Variants in USP34 observed in about 807,000 individuals in gnomAD.
USP34 encodes the protein ubiquitin specific peptidase 34, also known as ubiquitin carboxyl-terminal hydrolase 34.
A neutral mutation model predicts 460.3 loss-of-function variants in USP34; 70 were observed. That is an observed-to-expected ratio of 0.15 (90% CI 0.13 to 0.19). USP34 has a LOEUF of 0.19. Ranked by LOEUF, USP34 falls within the 10% of genes least tolerant of loss-of-function variation. The pLI is 1.00. For synonymous variants in USP34, 1,647 were observed against 1,405.3 expected, an observed-to-expected ratio of 1.17 and a Z score of -3.85; for missense variants, 3,985 against 4,236.2, an observed-to-expected ratio of 0.94 and a Z score of 1.65.
At chr2:61,415,302 G>A (rs918576851) in intron 2 of USP34, among the ~76,000 whole-genome samples, 9 of 152,024 alleles carry the variant, frequency 5.9e-5, no homozygotes, top group African/African-American at 9.7e-5. Flanking sequence ...CATAGTTTAT[G>A]AGCGTTTGAG....
At chr2:61,295,935 C>G (rs17008097) in intron 30 of USP34, among the ~76,000 whole-genome samples, 23,256 of 152,186 alleles carry the variant, frequency 0.15, 2,214 homozygotes, top group South Asian at 0.36. Flanking sequence ...GAGATGTCCT[C>G]AAATAAACTA....
chr2:61,401,053 A>T (rs1693702190), intron 3 of USP34, among the ~76,000 whole-genome samples: 1 of 150,034 alleles, frequency 6.7e-6, no homozygotes, highest in South Asian at 2.1e-4. Context: ...TGGGAGGCTA[A>T]GGCAGGAGAA....
rs764214429 is a variant in USP34 at position 61,370,432 on chromosome 2, A to G, written c.1159-19T>C. 100 of 1,613,296 alleles carry G rather than the reference A, an allele frequency of 6.2e-5. No individual in the cohort carries two copies. Among genetic ancestry groups the G allele is most frequent in the Admixed American group, 1.2e-4 (7 of 59,902 alleles). On this transcript the variant is annotated intron_variant, in intron 9 of 79. Coordinates refer to ENST00000398571, the MANE Select transcript of USP34 (RefSeq NM_014709.4). ...TGATAATCTGGAAAAGAAAAACTTA[A>G]TATCAATTTTTAAAAATATTCTTCT... is the stretch of plus-strand genomic sequence containing the variant.
intron 2 of USP34, among the ~76,000 whole-genome samples, chr2:61,417,744 CTTTTT>C (rs55680146): frequency 1.1e-5 from 1 of 87,940 alleles, no homozygotes; most frequent in Admixed American, 1.3e-4. Context: ...TTTTTCTTTT[CTTTTT>C]TTTTTTTTTT....
intron 57 of USP34, 85 bp from the exon 58 acceptor site, chr2:61,232,617 A>G (rs1687939463): frequency 9.0e-7 from 1 of 1,109,454 alleles, no homozygotes; most frequent in Admixed American, 2.4e-5. Flanking sequence ...TTTTATTTCT[A>G]GTCAATGTTT....
At chr2:61,248,706 A>C in intron 48 of USP34, 23 bp from the exon 49 acceptor site, 1 of 1,526,966 alleles carries the variant, frequency 6.5e-7, no homozygotes, top group Non-Finnish European at 8.8e-7. Flanking sequence ...AAAAAAATTA[A>C]TAAAGATTAT....
At chr2:61,235,291 C>A (rs1482666955) in intron 57 of USP34, among the ~76,000 whole-genome samples, 1 of 150,536 alleles carries the variant, frequency 6.6e-6, no homozygotes, top group African/African-American at 2.4e-5. Context: ...ACATAGTTTT[C>A]CTTCTGGTAG....
At chr2:61,426,773 T>C (rs1038383722) in intron 1 of USP34, among the ~76,000 whole-genome samples, 1 of 152,168 alleles carries the variant, frequency 6.6e-6, no homozygotes, top group African/African-American at 2.4e-5. Flanking sequence ...ATAGTCCTAA[T>C]TTCAAGACTG....
At chr2:61,394,533 C>CAAA (rs200686763) in intron 5 of USP34, among the ~76,000 whole-genome samples, 75 of 109,964 alleles carry the variant, frequency 6.8e-4, no homozygotes, top group Non-Finnish European at 8.6e-4. Flanking sequence ...CCCTCTCTCT[C>CAAA]AAAAAAAAAA....
chr2:61,356,343 G>C (rs1168741038), intron 10 of USP34, among the ~76,000 whole-genome samples: 2 of 152,066 alleles, frequency 1.3e-5, no homozygotes, highest in Non-Finnish European at 2.9e-5. Flanking sequence ...ACAAAACTTA[G>C]TCAGGCACGG....
At chr2:61,420,863 G>C in intron 1 of USP34, 30 bp from the exon 2 acceptor site, 1 of 1,541,782 alleles carries the variant, frequency 6.5e-7, no homozygotes, top group South Asian at 1.2e-5. Flanking sequence ...TTAAAATTAT[G>C]AATAATGCTA....
chr2:61,327,393 T>A, intron 20 of USP34, among the ~76,000 whole-genome samples: 1 of 152,190 alleles, frequency 6.6e-6, no homozygotes, highest in East Asian at 1.9e-4. Flanking sequence ...GCAACCCAGA[T>A]AAAATTCAAG....
At chr2:61,216,135 C>G (rs1447788320) in intron 67 of USP34, among the ~76,000 whole-genome samples, 3 of 152,122 alleles carry the variant, frequency 2.0e-5, no homozygotes, top group African/African-American at 7.2e-5. Flanking sequence ...AAACTTTGTG[C>G]ACAATACTCC....
At chr2:61,314,376 A>G (rs371497487) in intron 25 of USP34, among the ~76,000 whole-genome samples, 34 of 152,230 alleles carry the variant, frequency 2.2e-4, no homozygotes, top group African/African-American at 6.7e-4. Context: ...AAGGTGTGCA[A>G]TATTTATCAG....
chr2:61,254,735 T>C (rs1329287026), intron 48 of USP34, among the ~76,000 whole-genome samples: 1 of 152,232 alleles, frequency 6.6e-6, no homozygotes, highest in African/African-American at 2.4e-5. Flanking sequence ...GTGGGCGGAT[T>C]GTTTGAGCCC....
At chr2:61,323,514 CAAAA>C (rs10713213) in intron 21 of USP34, among the ~76,000 whole-genome samples, 3 of 101,328 alleles carry the variant, frequency 3.0e-5, no homozygotes. Context: ...GACTCCGCCT[CAAAA>C]AAAAAAAAAA....
intron 27 of USP34, among the ~76,000 whole-genome samples, chr2:61,311,106 AT>A (rs1271667133): frequency 6.6e-6 from 1 of 152,092 alleles, no homozygotes; most frequent in East Asian, 1.9e-4. Context: ...TATGGTTTGA[AT>A]TTTTTTGTTC....
intron 2 of USP34, among the ~76,000 whole-genome samples, chr2:61,412,727 A>G (rs1364825129): frequency 6.6e-6 from 1 of 151,908 alleles, no homozygotes; most frequent in Admixed American, 6.6e-5. Flanking sequence ...CCTTTCTACA[A>G]TAAAAAAATA....
chr2:61,460,518 A>G (rs571138613), intron 1 of USP34, among the ~76,000 whole-genome samples: 1 of 152,316 alleles, frequency 6.6e-6, no homozygotes, highest in Admixed American at 6.5e-5. Flanking sequence ...TTTGAAGTGA[A>G]AAGGTGAAAG....
Sources: allele counts gnomAD v4.1 joint callset (sites outside exome capture counted in the v4.1 genomes callset), GRCh38; gene constraint gnomAD v4.1.1; transcripts MANE v1.5; gene names NCBI Gene and HGNC (gene_info 2026-07-23, HGNC 2026-07-21).